The following NUP98 variants were observed in gnomAD, a reference collection of about 807,000 sequenced individuals.
The protein encoded by NUP98 is nuclear pore complex protein Nup98-Nup96.
A neutral mutation model predicts 191.9 loss-of-function variants in NUP98; 26 were observed. That is an observed-to-expected ratio of 0.14 (90% confidence interval 0.10 to 0.19). NUP98 has a LOEUF of 0.19. NUP98 is among the 10% of genes least tolerant of loss of function. NUP98 has a pLI of 1.00. For missense variants in NUP98, 1,941 were observed against 2,178.8 expected, an observed-to-expected ratio of 0.89 and a Z score of 2.17; for synonymous variants, 808 against 778.4, an observed-to-expected ratio of 1.04 and a Z score of -0.63.
intron 10 of NUP98, among the ~76,000 whole-genome samples, chr11:3,757,199 A>C (rs192030242): frequency 6.6e-6 from 1 of 151,554 alleles, no homozygotes; most frequent in Non-Finnish European, 1.5e-5. Context: ...GTTCAGATAA[A>C]AATAACGGGC....
chr11:3,797,012 G>A (rs534564779), intron 1 of NUP98, among the ~76,000 whole-genome samples: 1 of 152,238 alleles, frequency 6.6e-6, no homozygotes. Flanking sequence ...ATAAAGCCCA[G>A]TCCCACATGA....
In NUP98 at chr11:3,786,036, A is replaced by G. The variant is rs575193205; in HGVS notation, c.-28-3891T>C. Among the ~76,000 whole-genome samples the G allele has an allele frequency of 2.2e-3, 329 of 152,240 alleles. 2 individuals are homozygous for G. The highest frequency in any genetic ancestry group is 3.3e-3 in the Non-Finnish European group (226 of 68,018). ...AGGCACTGTTCTAATGCTGCTTATG[A>G]ATTATCTCATGTAAACCTCCCAAGA... On this transcript the variant is annotated intron_variant, in intron 1 of 32. Transcript: ENST00000324932.
At position 3,725,143 on chromosome 11, in the gene NUP98, T is replaced by C; in HGVS notation, c.1807A>G (p.Asn603Asp). The C allele has an allele frequency of 6.2e-7, 1 of 1,600,090 alleles. No individual in the cohort carries two copies. The highest frequency in any genetic ancestry group is 8.6e-7 in the Non-Finnish European group (1 of 1,168,042). ...GGATATTCAGATGGTGAAGCTAGAT[T>C]TTCTGAATCACGATTAACAGGAGAA... Reference protein sequence around the residue: ...LFSPVNRDSENLASPSEYPEN... With the variant: ...LFSPVNRDSEDLASPSEYPEN... Residue 603 changes from asparagine to aspartate, a missense_variant, in exon 15 of 33, where the codon AAT (asparagine) becomes GAT (aspartate). Coordinates refer to ENST00000324932, the MANE Select transcript of NUP98 (RefSeq NM_016320.5).
At chr11:3,712,123 T>G (rs2079037905) in intron 20 of NUP98, 3 of 1,058,298 alleles carry the variant, frequency 2.8e-6, no homozygotes, top group Non-Finnish European at 3.4e-6. Context: ...CAAACAACTT[T>G]AAAAAAATGG....
chr11:3,705,194 C>T lies in NUP98; in HGVS notation c.3082+6G>A. 2 of 1,613,906 alleles carry T rather than the reference C, an allele frequency of 1.2e-6. No homozygotes were observed. Among genetic ancestry groups the T allele is most frequent in the East Asian group, 2.2e-5 (1 of 44,882 alleles). ...TTCTTGTAAAATAGCATCTTTTATA[C>T]TGTACCTAGTGAACGAGTTTTCGAC... On this transcript the variant is annotated splice_donor_region_variant and intron_variant, in intron 22 of 32. Transcript: ENST00000324932.
intron 12 of NUP98, among the ~76,000 whole-genome samples, chr11:3,743,805 G>A (rs1159342450): frequency 2.0e-5 from 3 of 151,732 alleles, no homozygotes; most frequent in Non-Finnish European, 4.4e-5. Flanking sequence ...TGTAATCCTT[G>A]CACTTTGGGA....
intron 8 of NUP98, among the ~76,000 whole-genome samples, chr11:3,768,178 T>C (rs1034184186): frequency 6.6e-6 from 1 of 151,986 alleles, no homozygotes; most frequent in Admixed American, 6.6e-5. Flanking sequence ...TCCCAGCACT[T>C]TGGGAGGCCG....
intron 28 of NUP98, among the ~76,000 whole-genome samples, chr11:3,689,826 AG>A (rs1205928497): frequency 1.3e-5 from 2 of 151,416 alleles, no homozygotes; most frequent in Non-Finnish European, 2.9e-5. Context: ...TAGTAGAAAC[AG>A]GGTTTTGCCA....
intron 10 of NUP98, among the ~76,000 whole-genome samples, chr11:3,753,636 C>T (rs986818947): frequency 2.6e-5 from 4 of 151,580 alleles, no homozygotes; most frequent in African/African-American, 4.8e-5. Context: ...AAAGGCCATG[C>T]GCGGTGGCTC....
intron 15 of NUP98, 110 bp from the exon 16 acceptor site, chr11:3,723,565 C>G (rs2079491185): frequency 2.4e-6 from 2 of 831,090 alleles, no homozygotes; most frequent in East Asian, 5.2e-5. Flanking sequence ...CTGGATAGTT[C>G]CATGTATTAA....
intron 14 of NUP98, among the ~76,000 whole-genome samples, chr11:3,727,918 G>A (rs564730515): frequency 1.5e-3 from 222 of 152,204 alleles, no homozygotes; most frequent in African/African-American, 4.5e-3. Context: ...AGCTACTCGG[G>A]AGGCCAAGTC....
At position 3,693,367 on chromosome 11, in the gene NUP98, C is replaced by A. The variant is rs776133474; in HGVS notation, c.4176G>T (p.Gln1392His). The A allele has an allele frequency of 6.2e-7, 1 of 1,614,128 alleles. No individual in the cohort carries two copies. Among genetic ancestry groups the A allele is most frequent in the Admixed American group, 1.7e-5 (1 of 60,024 alleles). ...FALLAGKPVWQLSEKKQINVC... is the reference protein window; with the variant it reads ...FALLAGKPVWHLSEKKQINVC... ...CGTTTATTTGCTTCTTTTCTGAGAG[C>A]TGCCACACCTGTGCGAAACAAAATC... Residue 1392 changes from glutamine to histidine, a missense_variant, in exon 27 of 33, where the codon CAG (glutamine) becomes CAT (histidine). Physicochemically the swap from Gln to His is conservative, Grantham distance 24. Coordinates refer to ENST00000324932, the MANE Select transcript of NUP98 (RefSeq NM_016320.5).
chr11:3,749,811 T>C (rs1475749771), intron 11 of NUP98, among the ~76,000 whole-genome samples: 1 of 151,602 alleles, frequency 6.6e-6, no homozygotes, highest in African/African-American at 2.4e-5. Flanking sequence ...CAATTTCTAC[T>C]GTCATGTATG....
rs747581683 is a variant in NUP98, at chr11:3,762,898, C to G, written c.1086+4G>C. The G allele has an allele frequency of 1.2e-5, 20 of 1,612,640 alleles. No homozygotes were observed. The highest frequency in any genetic ancestry group is 2.2e-5 in the East Asian group (1 of 44,872). ...TCAAATTACAGTCAACTGCAGAAAC[C>G]TACCGAACCAACAGCACCAAATCCA... On this transcript the variant is annotated splice_donor_region_variant and intron_variant, in intron 9 of 32. Transcript: ENST00000324932.
intron 8 of NUP98, among the ~76,000 whole-genome samples, chr11:3,764,969 T>G (rs1227278550): frequency 6.6e-6 from 1 of 152,234 alleles, no homozygotes; most frequent in Non-Finnish European, 1.5e-5. Flanking sequence ...ACTTATGATG[T>G]TAAGCATATT....
At position 3,691,387 on chromosome 11, in the gene NUP98, G is replaced by C. The variant is rs761026936; in HGVS notation, c.4414C>G (p.Arg1472Gly). ...TTTAGAAGGTGAAAGCAGACATCTCGAAGTGGTGTCTGTGAGTTTTGCTCC... is the reference window on the plus strand; with the variant it reads ...TTTAGAAGGTGAAAGCAGACATCTCCAAGTGGTGTCTGTGAGTTTTGCTCC... ...AEEQNSQTPLRDVCFHLLKLY... is the reference protein window; with the variant it reads ...AEEQNSQTPLGDVCFHLLKLY... Residue 1472 changes from arginine to glycine, a missense_variant, in exon 28 of 33, where the codon CGA becomes GGA. Physicochemically the swap from Arg to Gly is moderately radical, Grantham distance 125 (BLOSUM62 -2). Transcript: ENST00000324932. 8 of 1,614,106 alleles carry C rather than the reference G, an allele frequency of 5.0e-6. No homozygotes were observed. In the Admixed American group the frequency reaches 6.7e-5, roughly 13 times the overall value.
In NUP98 at chr11:3,716,747, GCTCT is replaced by G. The variant is rs144159455; in HGVS notation, c.2399+2661_2399+2664del. 7.3e-3 allele frequency among the ~76,000 whole-genome samples: 1,103 copies of G among 151,898 alleles called. 15 individuals carry two copies. Among genetic ancestry groups the G allele is most frequent in the African/African-American group, 0.024 (985 of 41,416 alleles). On this transcript the variant is annotated intron_variant, in intron 18 of 32. Transcript: ENST00000324932. ...TATATAGATGAAGTTTTATTTCTGGGCTCTCTATTACATTCCATTGGTATTTATG... is the reference window on the plus strand; with the variant it reads ...TATATAGATGAAGTTTTATTTCTGGGCTATTACATTCCATTGGTATTTATG...
rs775234393 is a variant in NUP98, at chr11:3,676,741, G to C, written c.5074-121C>G. The C allele has an allele frequency of 7.2e-6, 6 of 836,868 alleles. 1 individual carries two copies. In the Admixed American group the frequency reaches 1.0e-4, roughly 14 times the overall value. 51.8% of individuals were successfully genotyped at this position (836,868 alleles called of 1,614,324 possible). ...GGTGAGGGAGGGGAAAATCCAAGAT[G>C]ATGACACAGGGCCAAGCCACCACCA... On this transcript the variant is annotated intron_variant, in intron 31 of 32. Coordinates refer to ENST00000324932, the MANE Select transcript of NUP98 (RefSeq NM_016320.5).
chr11:3,681,018 G>T (rs1038631568), intron 30 of NUP98, among the ~76,000 whole-genome samples: 1 of 152,008 alleles, frequency 6.6e-6, no homozygotes, highest in African/African-American at 2.4e-5. Context: ...ATAACACCAT[G>T]CCTGGCCAAT....
Sources: allele counts gnomAD v4.1 joint callset (sites outside exome capture counted in the v4.1 genomes callset), GRCh38; gene constraint gnomAD v4.1.1; transcripts MANE v1.5; gene names NCBI Gene and HGNC (gene_info 2026-07-23, HGNC 2026-07-21).